GLIS3: variants seen among roughly 807,000 people sequenced by gnomAD.
GLIS3 encodes the protein GLIS family zinc finger 3.
A neutral mutation model predicts 78.6 loss-of-function variants in GLIS3; 53 were observed. The ratio of observed to expected loss-of-function variants is 0.67; its 90% CI spans 0.54 to 0.85. The LOEUF (loss-of-function observed/expected upper bound fraction) is 0.85, where lower values mean the gene tolerates loss of function less well. Ranked by LOEUF, GLIS3 falls within the 40% of genes least tolerant of loss-of-function variation. The pLI is 0.00. For synonymous variants in GLIS3, 684 were observed against 509.9 expected, an observed-to-expected ratio of 1.34 and a Z score of -4.60; for missense variants, 1,703 against 1,231.1, an observed-to-expected ratio of 1.38 and a Z score of -5.74.
chr9:4,107,172 T>C (rs1554700619), intron 4 of GLIS3, among the ~76,000 whole-genome samples: 1 of 152,180 alleles, frequency 6.6e-6, no homozygotes, highest in Non-Finnish European at 1.5e-5. Flanking sequence ...TGAAATGTGT[T>C]TTCTTTTCAA....
intron 8 of GLIS3, among the ~76,000 whole-genome samples, chr9:3,866,211 G>A (rs1260908089): frequency 6.6e-6 from 1 of 152,224 alleles, no homozygotes; most frequent in Admixed American, 6.5e-5. Context: ...CCATCAACCT[G>A]ACATAGTCTC....
At chr9:4,143,796 T>C (rs12337630) in intron 2 of GLIS3, among the ~76,000 whole-genome samples, 1 of 152,318 alleles carries the variant, frequency 6.6e-6, no homozygotes, top group East Asian at 1.9e-4. Context: ...GCATTTTGGA[T>C]TCCACACCTA....
At chr9:4,241,955 A>T (rs11794755) in intron 2 of GLIS3, among the ~76,000 whole-genome samples, 1 of 152,190 alleles carries the variant, frequency 6.6e-6, no homozygotes, top group South Asian at 2.1e-4. Context: ...AAGTGCTGAG[A>T]TTACAGGCAT....
rs1310179134 is a variant in GLIS3, at chr9:4,204,191, A to C, written c.389-78250T>G. Among the ~76,000 whole-genome samples, 5 of 152,358 alleles carry C rather than the reference A, an allele frequency of 3.3e-5. No homozygotes were observed. The East Asian group carries it at 9.6e-4, about 29-fold the overall frequency. ...GATCTACTATGAAGGAAAAGCACTA[A>C]AGAAAACAGGTGCACAATTTTGAAA... On this transcript the variant is annotated intron_variant, in intron 2 of 10. Coordinates refer to ENST00000381971, the MANE Select transcript of GLIS3 (RefSeq NM_001042413.2).
the GLIS3 span, among the ~76,000 whole-genome samples, chr9:4,418,754 G>A: frequency 6.6e-6 from 1 of 152,134 alleles, no homozygotes; most frequent in South Asian, 2.1e-4. Flanking sequence ...AGAATTGGAG[G>A]GAGGAAAAAT....
chr9:4,386,337 A>G, the GLIS3 span: 1 of 152,040 alleles, frequency 6.6e-6, no homozygotes, highest in Admixed American at 6.6e-5. Context: ...GTAGCCAGGA[A>G]TATTTTTATT....
intron 2 of GLIS3, among the ~76,000 whole-genome samples, chr9:4,321,677 G>A (rs191321641): frequency 4.5e-5 from 6 of 133,952 alleles, no homozygotes; most frequent in African/African-American, 1.1e-4. Flanking sequence ...TCCTCCAAAG[G>A]TAACTACCAT....
the GLIS3 span, among the ~76,000 whole-genome samples, chr9:4,457,372 AG>A: frequency 1.3e-5 from 2 of 151,920 alleles, no homozygotes; most frequent in Admixed American, 6.6e-5. Context: ...AAAAAAAAAA[AG>A]CAAGATATAT....
At chr9:4,037,838 T>G (rs888721207) in intron 4 of GLIS3, among the ~76,000 whole-genome samples, 1 of 152,200 alleles carries the variant, frequency 6.6e-6, no homozygotes, top group Non-Finnish European at 1.5e-5. Context: ...ACCATTTTAT[T>G]TAATGAACTA....
At chr9:4,291,768 T>A (rs1360440653) in intron 1 of GLIS3, among the ~76,000 whole-genome samples, 1 of 152,172 alleles carries the variant, frequency 6.6e-6, no homozygotes, top group Non-Finnish European at 1.5e-5. Flanking sequence ...CCTTCAGGAA[T>A]ACACCGCTCG....
intron 4 of GLIS3, among the ~76,000 whole-genome samples, chr9:4,110,675 C>T (rs1241859061): frequency 6.6e-6 from 1 of 152,138 alleles, no homozygotes; most frequent in Non-Finnish European, 1.5e-5. Flanking sequence ...TCAAGCCTTC[C>T]CTACTCAGGC....
the GLIS3 span, among the ~76,000 whole-genome samples, chr9:4,413,199 G>C: frequency 6.6e-6 from 1 of 152,208 alleles, no homozygotes; most frequent in East Asian, 1.9e-4. Context: ...CTAACTCAGA[G>C]ATTTTGGATA....
chr9:4,285,216 T>TAAAA (rs1421010908), intron 2 of GLIS3, among the ~76,000 whole-genome samples: 3 of 152,208 alleles, frequency 2.0e-5, no homozygotes, highest in Non-Finnish European at 2.9e-5. Context: ...AAGCTATATT[T>TAAAA]TACGTGGGGT....
At chr9:4,021,656 C>A (rs10114243) in intron 4 of GLIS3, among the ~76,000 whole-genome samples, 11,910 of 152,170 alleles carry the variant, frequency 0.078, 585 homozygotes, top group Non-Finnish European at 0.11. Context: ...TTGCACTTAA[C>A]AGAATGAGGT....
At chr9:4,353,115 A>G (rs1038823449), upstream of GLIS3, among the ~76,000 whole-genome samples, 5 of 152,118 alleles carry the variant, frequency 3.3e-5, no homozygotes, top group Admixed American at 6.5e-5. Flanking sequence ...TGGGTGAACA[A>G]TACAACTTGA....
At chr9:4,365,298 C>T in the GLIS3 span, among the ~76,000 whole-genome samples, 5 of 152,094 alleles carry the variant, frequency 3.3e-5, no homozygotes, top group Admixed American at 6.5e-5. Context: ...TGCGGTGGCT[C>T]ATGCCTGTAA....
chr9:3,878,394 G>A (rs976048809), intron 8 of GLIS3, among the ~76,000 whole-genome samples: 1 of 152,024 alleles, frequency 6.6e-6, no homozygotes, highest in Non-Finnish European at 1.5e-5. Context: ...GGTATTCAAC[G>A]GACATTCATT....
intron 2 of GLIS3, among the ~76,000 whole-genome samples, chr9:4,155,259 C>T (rs1206950383): frequency 6.6e-6 from 1 of 152,064 alleles, no homozygotes; most frequent in African/African-American, 2.4e-5. Flanking sequence ...TGGATCACTG[C>T]CAAAAGATTT....
At chr9:4,169,691 G>A (rs1033804794) in intron 2 of GLIS3, among the ~76,000 whole-genome samples, 4 of 152,206 alleles carry the variant, frequency 2.6e-5, no homozygotes, top group Middle Eastern at 3.4e-3. Context: ...CGTATTTAGG[G>A]GTAAAAGGGC....
Sources: allele counts gnomAD v4.1 joint callset (sites outside exome capture counted in the v4.1 genomes callset), GRCh38; gene constraint gnomAD v4.1.1; transcripts MANE v1.5; gene names NCBI Gene and HGNC (gene_info 2026-07-23, HGNC 2026-07-21).